CXADR: variants seen among roughly 807,000 people sequenced by gnomAD.
The protein encoded by CXADR is coxsackievirus and adenovirus receptor.
Under a neutral mutation model 40.3 loss-of-function variants are expected in CXADR, and 20 were observed. That is an observed-to-expected ratio of 0.50 (90% CI 0.35 to 0.72). CXADR has a LOEUF of 0.72. Ranked by LOEUF, CXADR falls within the 30% of genes least tolerant of loss-of-function variation. CXADR has a pLI of 0.01. For missense variants in CXADR, 332 were observed against 449.1 expected, an observed-to-expected ratio of 0.74 and a Z score of 2.36; for synonymous variants, 150 against 161.3, an observed-to-expected ratio of 0.93 and a Z score of 0.53.
chr21:17,570,640 C>T (rs2061270492), downstream of CXADR, among the ~76,000 whole-genome samples: 2 of 152,292 alleles, frequency 1.3e-5, no homozygotes, highest in South Asian at 2.1e-4. Flanking sequence ...AGGGGCCCCA[C>T]ATCTGAGTGC....
chr21:17,600,804 T>C, the CXADR span, among the ~76,000 whole-genome samples: 1 of 152,364 alleles, frequency 6.6e-6, no homozygotes, highest in East Asian at 1.9e-4. Flanking sequence ...CAAATGAAAC[T>C]ATAAATACTA....
chr21:17,614,404 A>C, the CXADR span, among the ~76,000 whole-genome samples: 2 of 152,196 alleles, frequency 1.3e-5, no homozygotes, highest in Non-Finnish European at 2.9e-5. Flanking sequence ...TACCATATTC[A>C]AAAAATACAG....
chr21:17,604,154 AAGG>A, the CXADR span: 4 of 1,281,438 alleles, frequency 3.1e-6, no homozygotes, highest in African/African-American at 6.3e-5. Flanking sequence ...CATAATCAAA[AAGG>A]AGGAGGCCGG....
chr21:17,540,312 C>A (rs551132327), intron 1 of CXADR, among the ~76,000 whole-genome samples: 50 of 152,188 alleles, frequency 3.3e-4, no homozygotes, highest in African/African-American at 1.2e-3. Flanking sequence ...CTACCGCCGT[C>A]CCCCAAAAGT....
rs112538391 is a variant in CXADR, at chr21:17,565,725, T to C, written c.*33T>C. ...ATATGTCTCATCTGTGCTCTCCGTG[T>C]TCCTTTCCTTTTTTTGATATATGAA... On this transcript the variant is annotated 3_prime_UTR_variant, in exon 7 of 7. Transcript: ENST00000284878. 5.6e-3 allele frequency: 8,944 copies of C among 1,583,082 alleles called. 463 individuals carry two copies. The African/African-American group carries it at 0.11, about 19-fold the overall frequency.
intron 7 of CXADR, among the ~76,000 whole-genome samples, chr21:17,592,397 G>C (rs895754690): frequency 9.1e-6 from 1 of 110,412 alleles, no homozygotes; most frequent in African/African-American, 4.8e-5. Flanking sequence ...TTTAAAATTT[G>C]TATTTTTTTA....
In CXADR at chr21:17,582,845, G is replaced by T. The variant is rs1389765296; in HGVS notation, c.1018-10307G>T. On this transcript the variant is annotated intron_variant, in intron 7 of 7. Transcript: ENST00000400169. ...AAAGATGTGTCTAGGTTACATCTTA[G>T]GTCAGCTGTCACACACTATCCCAAG... 4.6e-5 allele frequency among the ~76,000 whole-genome samples: 7 copies of T among 152,332 alleles called. No individual in the cohort carries two copies. In the East Asian group the frequency reaches 1.3e-3, roughly 29 times the overall value.
At chr21:17,534,040 A>G (rs1204269863) in intron 1 of CXADR, among the ~76,000 whole-genome samples, 2 of 140,412 alleles carry the variant, frequency 1.4e-5, no homozygotes, top group Admixed American at 7.4e-5. Context: ...CTATATATAT[A>G]TATATACACA....
At chr21:17,634,754 T>G in the CXADR span, among the ~76,000 whole-genome samples, 1 of 152,094 alleles carries the variant, frequency 6.6e-6, no homozygotes, top group African/African-American at 2.4e-5. Context: ...TAATTTTTAA[T>G]TTTTTTTAGA....
chr21:17,618,143 C>G, the CXADR span, among the ~76,000 whole-genome samples: 2 of 152,162 alleles, frequency 1.3e-5, no homozygotes, highest in Admixed American at 6.5e-5. Flanking sequence ...GAGTTAAAGG[C>G]TGCAGTAAGC....
chr21:17,594,079 A>G, downstream of CXADR: 1 of 1,610,752 alleles, frequency 6.2e-7, no homozygotes, highest in Non-Finnish European at 8.5e-7. Context: ...ACACCAACAC[A>G]ATCAAAAACG....
intron 7 of CXADR, among the ~76,000 whole-genome samples, chr21:17,588,419 G>A (rs2061412770): frequency 6.6e-6 from 1 of 152,138 alleles, no homozygotes; most frequent in Non-Finnish European, 1.5e-5. Flanking sequence ...TTGAGCAGTG[G>A]TTTGTAGTTC....
intron 3 of CXADR, among the ~76,000 whole-genome samples, chr21:17,554,151 A>C (rs2123279884): frequency 6.6e-6 from 1 of 152,326 alleles, no homozygotes; most frequent in African/African-American, 2.4e-5. Flanking sequence ...TATTCCCAGA[A>C]GAGTTGTGGA....
chr21:17,544,195 T>C (rs2060865223), intron 1 of CXADR, among the ~76,000 whole-genome samples: 1 of 152,172 alleles, frequency 6.6e-6, no homozygotes, highest in Non-Finnish European at 1.5e-5. Flanking sequence ...GAGGTAGAAA[T>C]GCCTTAATGA....
chr21:17,552,746 C>T (rs2060985034), intron 3 of CXADR, among the ~76,000 whole-genome samples: 1 of 152,094 alleles, frequency 6.6e-6, no homozygotes, highest in Non-Finnish European at 1.5e-5. Flanking sequence ...TTAGGGGACA[C>T]TTGGGGATTG....
the CXADR span, among the ~76,000 whole-genome samples, chr21:17,606,814 G>A: frequency 6.6e-6 from 1 of 152,018 alleles, no homozygotes; most frequent in East Asian, 1.9e-4. Flanking sequence ...CAATTACAAA[G>A]TGTAAGAGAC....
At chr21:17,513,742 C>A (rs1425207963) in intron 1 of CXADR, among the ~76,000 whole-genome samples, 3 of 152,238 alleles carry the variant, frequency 2.0e-5, no homozygotes, top group Non-Finnish European at 4.4e-5. Flanking sequence ...CTCCTGGAAG[C>A]AGCTCGCCCA....
At chr21:17,624,960 T>C in the CXADR span, among the ~76,000 whole-genome samples, 2 of 152,294 alleles carry the variant, frequency 1.3e-5, no homozygotes, top group South Asian at 4.1e-4. Flanking sequence ...CCCCTTAACC[T>C]GCTTTTTGTT....
At chr21:17,614,303 C>T in the CXADR span, among the ~76,000 whole-genome samples, 2 of 152,136 alleles carry the variant, frequency 1.3e-5, no homozygotes, top group East Asian at 3.8e-4. Context: ...CCACATTACT[C>T]AAAATTTGTC....
Sources: allele counts gnomAD v4.1 joint callset (sites outside exome capture counted in the v4.1 genomes callset), GRCh38; gene constraint gnomAD v4.1.1; transcripts MANE v1.5; gene names NCBI Gene and HGNC (gene_info 2026-07-23, HGNC 2026-07-21).